The following PUS7 variants were observed in gnomAD, a reference collection of about 807,000 sequenced individuals.
The protein encoded by PUS7 is pseudouridylate synthase 7 homolog.
In PUS7, 48 loss-of-function variants were observed where a neutral mutation model predicts 79.8. The ratio of observed to expected loss-of-function variants is 0.60; its 90% CI spans 0.48 to 0.76. PUS7 has a LOEUF of 0.76. Among genes scored for constraint, PUS7 ranks in the 30% least tolerant of loss-of-function variants. The pLI, the probability that PUS7 is intolerant of heterozygous loss-of-function variation, is 0.00. For missense variants in PUS7, 729 were observed against 797.6 expected (o/e 0.91, Z 1.04); for synonymous variants, 286 against 272.2 (o/e 1.05, Z -0.50).
intron 5 of PUS7, among the ~76,000 whole-genome samples, chr7:105,499,894 C>G (rs575766435): frequency 8.7e-4 from 133 of 152,328 alleles, no homozygotes; most frequent in African/African-American, 3.2e-3. Context: ...GGAGGACAAG[C>G]TGTCGCTGGT....
intron 9 of PUS7, among the ~76,000 whole-genome samples, chr7:105,477,472 A>C (rs1167483600): frequency 1.3e-5 from 2 of 150,414 alleles, no homozygotes; most frequent in East Asian, 3.9e-4. Context: ...CTGGTCTTGA[A>C]CTCCCGACCT....
At chr7:105,496,226 T>TATATAGAGAGAGAG (rs1197032072) in intron 5 of PUS7, among the ~76,000 whole-genome samples, 1 of 81,134 alleles carries the variant, frequency 1.2e-5, no homozygotes, top group Non-Finnish European at 2.2e-5. Context: ...TATATATATA[T>TATATAGAGAGAGAG]AGAGAGAGAG....
chr7:105,487,038 A>G (rs570393518), intron 7 of PUS7, among the ~76,000 whole-genome samples: 132 of 152,242 alleles, frequency 8.7e-4, no homozygotes, highest in African/African-American at 3.1e-3. Flanking sequence ...TCCAGCCTGG[A>G]TAACAGAACG....
At chr7:105,514,528 C>T (rs183828973) in intron 1 of PUS7, among the ~76,000 whole-genome samples, 46 of 150,490 alleles carry the variant, frequency 3.1e-4, no homozygotes, top group African/African-American at 1.0e-3. Context: ...GGCGTGAACC[C>T]GGGAGGCCGA....
chr7:105,488,170 G>C (rs1437573151), intron 7 of PUS7, among the ~76,000 whole-genome samples: 1 of 152,164 alleles, frequency 6.6e-6, no homozygotes, highest in African/African-American at 2.4e-5. Context: ...GATGAAGTGT[G>C]ACATCTGCTG....
At chr7:105,468,522 C>CTT (rs548213122) in intron 11 of PUS7, 59 bp from the exon 12 acceptor site, 1,368 of 1,160,588 alleles carry the variant, frequency 1.2e-3, no homozygotes, top group Non-Finnish European at 1.2e-3. Context: ...AAGTGCTGTA[C>CTT]TTTTTTTTTT....
chr7:105,513,755 G>A (rs1158040588), intron 1 of PUS7, among the ~76,000 whole-genome samples: 4 of 145,882 alleles, frequency 2.7e-5, no homozygotes, highest in Non-Finnish European at 6.0e-5. Flanking sequence ...GGAGAATGGC[G>A]TGAACCCAGG....
At chr7:105,511,865 G>T (rs1825715292) in intron 1 of PUS7, among the ~76,000 whole-genome samples, 1 of 151,980 alleles carries the variant, frequency 6.6e-6, no homozygotes, top group South Asian at 2.1e-4. Flanking sequence ...ATTTCTGGCG[G>T]CCTGGTGCAG....
chr7:105,485,162 C>CT lies in PUS7; in HGVS notation c.921-2723dup, dbSNP rs951397404. ...CAGCCACCACACCTGGTCAGAGATTCTTTTTTTTTTAATCTCAAATGTAAG... is the reference window on the plus strand; with the variant it reads ...CAGCCACCACACCTGGTCAGAGATTCTTTTTTTTTTTAATCTCAAATGTAAG... On this transcript the variant is annotated intron_variant, in intron 7 of 15. Transcript: ENST00000469408. Among the ~76,000 whole-genome samples the CT allele has an allele frequency of 1.5e-4, 22 of 147,604 alleles. No individual in the cohort carries two copies. In the East Asian group the frequency reaches 1.6e-3, roughly 11 times the overall value.
In PUS7 at chr7:105,521,863, T is replaced by C. The variant is rs117028299; in HGVS notation, c.-33+189A>G. Among the ~76,000 whole-genome samples, 20,805 of 151,638 alleles carry C rather than the reference T, an allele frequency of 0.14. 1,836 individuals carry two copies. The highest frequency in any genetic ancestry group is 0.26 in the South Asian group (1,249 of 4,820). On this transcript the variant is annotated intron_variant, in intron 1 of 15. Coordinates refer to ENST00000469408, the MANE Select transcript of PUS7 (RefSeq NM_019042.5). ...TGCACCGCCGAAGCGCAGGACCCAC[T>C]GGGTTCCAACCGTGCTCCCGCTGGC...
In PUS7 at chr7:105,496,849, T is replaced by C. The variant is rs1025867865; in HGVS notation, c.731-1596A>G. On this transcript the variant is annotated intron_variant, in intron 5 of 15. Coordinates refer to ENST00000469408, the MANE Select transcript of PUS7 (RefSeq NM_019042.5). The stretch of plus-strand genomic sequence containing the variant: ...TTGAGCAGGAATATCATTTTCGGTT[T>C]TCCTTCCAGCTCACTATCAGTTAAG... The C allele has an allele frequency of 3.6e-5, 24 of 667,038 alleles. No homozygotes were observed. In the African/African-American group the frequency reaches 4.3e-4, roughly 12 times the overall value. The allele number at this position is 667,038 out of a possible 1,614,324, so 41.3% of individuals were successfully genotyped here.
chr7:105,498,708 T>G lies in PUS7; in HGVS notation c.731-3455A>C, dbSNP rs1043312686. On this transcript the variant is annotated intron_variant, in intron 5 of 15. Coordinates refer to ENST00000469408, the MANE Select transcript of PUS7 (RefSeq NM_019042.5). ...CAACCTTCAGCTTTTTCAGGGATCC[T>G]ACTCCATCCATTATCTTTATTTTGT... 4.6e-5 allele frequency among the ~76,000 whole-genome samples: 7 copies of G among 152,370 alleles called. No homozygotes were observed. The East Asian group carries it at 5.8e-4, about 13-fold the overall frequency.
At chr7:105,460,189 C>T (rs900501049) in intron 14 of PUS7, among the ~76,000 whole-genome samples, 18 of 152,076 alleles carry the variant, frequency 1.2e-4, no homozygotes, top group African/African-American at 2.4e-4. Flanking sequence ...CTGCCCGCCT[C>T]GGCCTCCCAA....
At chr7:105,506,416 A>AT in intron 2 of PUS7, 143 bp from the exon 3 acceptor site, 2 of 601,568 alleles carry the variant, frequency 3.3e-6, no homozygotes, top group Non-Finnish European at 5.7e-6. Flanking sequence ...ACATGGAGTT[A>AT]ATTTTTTTTT....
At position 105,462,746 on chromosome 7, in the gene PUS7, T is replaced by C. The variant is rs760017868; in HGVS notation, c.1632A>G (p.Gln544=). The part of the protein sequence containing the change: ...FDVIYPKHKI[Q]EAYREMLTAD... ...CTGTGAGCATTTCCCTGTAGGCTTCTTGAACTAATATAAAATACAAAAAGT... is the reference window on the plus strand; with the variant it reads ...CTGTGAGCATTTCCCTGTAGGCTTCCTGAACTAATATAAAATACAAAAAGT... Residue 544 remains glutamine, a synonymous_variant, in exon 14 of 16, where the codon CAA becomes CAG. Transcript: ENST00000469408. 3.1e-6 allele frequency: 5 copies of C among 1,610,116 alleles called. No homozygotes were observed. Among genetic ancestry groups the C allele is most frequent in the East Asian group, 4.5e-5 (2 of 44,774 alleles).
At chr7:105,509,669 G>C (rs1825630380) in intron 1 of PUS7, among the ~76,000 whole-genome samples, 1 of 151,774 alleles carries the variant, frequency 6.6e-6, no homozygotes, top group Non-Finnish European at 1.5e-5. Flanking sequence ...GTAAAGACTA[G>C]GTCTCGCTAT....
chr7:105,467,294 CT>C (rs34780377), intron 12 of PUS7, among the ~76,000 whole-genome samples: 110,535 of 129,662 alleles, frequency 0.85, 48,197 homozygotes, highest in South Asian at 0.96. Flanking sequence ...AGAAACTCTT[CT>C]TTTTTTTTTT....
chr7:105,462,444 A>G, intron 14 of PUS7, 177 bp downstream of exon 14: 1 of 716,570 alleles, frequency 1.4e-6, no homozygotes, highest in Non-Finnish European at 2.1e-6. Context: ...AAAAAACCAA[A>G]AAAAAAACAA....
intron 6 of PUS7, among the ~76,000 whole-genome samples, chr7:105,492,754 G>T (rs1032338926): frequency 1.3e-5 from 2 of 151,904 alleles, no homozygotes; most frequent in Non-Finnish European, 2.9e-5. Context: ...TGATCCGCCC[G>T]CCTCGGCCTC....
Sources: gnomAD v4.1 joint callset for allele counts (sites outside exome capture counted in the v4.1 genomes callset) on GRCh38, gnomAD v4.1.1 for gene constraint, MANE v1.5 for transcripts, NCBI Gene and HGNC (gene_info 2026-07-23, HGNC 2026-07-21) for gene names.